CDH4: variants seen among roughly 807,000 people sequenced by gnomAD.
CDH4 encodes cadherin 4.
In CDH4, 33 loss-of-function variants were observed where a neutral mutation model predicts 86.0. The observed-to-expected ratio is 0.38, with a 90% CI of 0.29 to 0.51. The LOEUF is 0.51. Ranked by LOEUF, CDH4 falls within the 20% of genes least tolerant of loss-of-function variation. The pLI is 0.86. For synonymous variants in CDH4, 555 were observed against 549.4 expected, an observed-to-expected ratio of 1.01 and a Z score of -0.14; for missense variants, 1,114 against 1,307.4, an observed-to-expected ratio of 0.85 and a Z score of 2.28.
chr20:61,937,932 G>C lies in CDH4; in HGVS notation c.*989G>C, dbSNP rs981710484. On this transcript the variant is annotated 3_prime_UTR_variant, in exon 16 of 16. Transcript: ENST00000614565. ...CACTCTCGACAGCTCCAACCATCCGGAGGGCTGTGCAGATGGCAGGAACCA... is the reference window on the plus strand; with the variant it reads ...CACTCTCGACAGCTCCAACCATCCGCAGGGCTGTGCAGATGGCAGGAACCA... The C allele has an allele frequency of 3.9e-5, 6 of 152,538 alleles. No homozygotes were observed. Among genetic ancestry groups the C allele is most frequent in the Admixed American group, 6.5e-5 (1 of 15,308 alleles). 9.4% of individuals were successfully genotyped at this position (152,538 alleles called of 1,614,324 possible).
At position 61,676,597 on chromosome 20, in the gene CDH4, C is replaced by T. The variant is rs1185684370; in HGVS notation, c.170-66966C>T. Among the ~76,000 whole-genome samples the T allele has an allele frequency of 6.6e-6, 1 of 152,108 alleles. No individual in the cohort carries two copies. Among genetic ancestry groups the T allele is most frequent in the African/African-American group, 2.4e-5 (1 of 41,400 alleles). On this transcript the variant is annotated intron_variant, in intron 2 of 15. Coordinates refer to ENST00000614565, the MANE Select transcript of CDH4 (RefSeq NM_001794.5). The surrounding 1 kb of genome is among the most constrained non-coding windows in gnomAD (Gnocchi z 4.5). ...GCTGTGACAGTGCCCTGGCTCTGTG[C>T]ACCCAGCCAGGGTTCACTGAGTGTA... is the stretch of plus-strand genomic sequence containing the variant.
chr20:61,901,545 G>A (rs1410587523), intron 8 of CDH4, among the ~76,000 whole-genome samples: 3 of 152,266 alleles, frequency 2.0e-5, no homozygotes, highest in East Asian at 3.8e-4. Context: ...CGTCAGGGCC[G>A]GCGCTCAGCT....
Position 61,392,480 on chromosome 20 carries a change from G to T in CDH4, c.169+137543G>T, listed in dbSNP as rs1009459978. Among the ~76,000 whole-genome samples the T allele has an allele frequency of 1.2e-4, 19 of 152,134 alleles. No homozygotes were observed. The highest frequency in any genetic ancestry group is 1.0e-4 in the Non-Finnish European group (7 of 68,034). The stretch of plus-strand genomic sequence containing the variant: ...ATTAACCTTTTTTAATAACAGAAAT[G>T]ATATAGTCCATTGAAGTAGGGCTGG... On this transcript the variant is annotated intron_variant, in intron 2 of 15. Coordinates refer to ENST00000614565, the MANE Select transcript of CDH4 (RefSeq NM_001794.5). This position sits in a 1 kb window ranked among gnomAD's most constrained non-coding sequence, Gnocchi z 5.7.
intron 2 of CDH4, among the ~76,000 whole-genome samples, chr20:61,654,206 C>T (rs532253650): frequency 2.2e-4 from 34 of 152,322 alleles, no homozygotes; most frequent in African/African-American, 7.9e-4. Flanking sequence ...GCAGATCACT[C>T]GCGGTTAGGA....
intron 2 of CDH4, among the ~76,000 whole-genome samples, chr20:61,364,027 C>T (rs576889380): frequency 6.6e-6 from 1 of 152,298 alleles, no homozygotes; most frequent in Admixed American, 6.5e-5. Context: ...TTCTAAATTG[C>T]TTGTGGCCAG....
At chr20:61,497,954 A>G (rs1024669914) in intron 2 of CDH4, among the ~76,000 whole-genome samples, 5 of 151,418 alleles carry the variant, frequency 3.3e-5, no homozygotes, top group Non-Finnish European at 5.9e-5. Flanking sequence ...AACTATTGCA[A>G]GGACAAAAAA....
rs142588865 is a variant in CDH4 at position 61,602,802 on chromosome 20, C to G, written c.170-140761C>G. Among the ~76,000 whole-genome samples, 889 of 151,670 alleles carry G rather than the reference C, an allele frequency of 5.9e-3. 10 individuals are homozygous for G. Among genetic ancestry groups the G allele is most frequent in the Non-Finnish European group, 9.0e-3 (614 of 67,930 alleles). On this transcript the variant is annotated intron_variant, in intron 2 of 15. Coordinates refer to ENST00000614565, the MANE Select transcript of CDH4 (RefSeq NM_001794.5). ...GAAATGATTTCGGAATTGTGCCTGG[C>G]CTGGTGAGCGCACACAGAGGAGCTG...
intron 2 of CDH4, among the ~76,000 whole-genome samples, chr20:61,257,021 T>G (rs2084102315): frequency 6.6e-6 from 1 of 152,218 alleles, no homozygotes; most frequent in Non-Finnish European, 1.5e-5. Flanking sequence ...AAGACCACAG[T>G]GAGGAGGCCT....
intron 2 of CDH4, among the ~76,000 whole-genome samples, chr20:61,399,325 G>T (rs2085036988): frequency 1.6e-5 from 1 of 64,070 alleles, no homozygotes. Flanking sequence ...GTAGAGACGG[G>T]GTTTCACCTT....
chr20:61,429,862 G>T (rs186698583), intron 2 of CDH4, among the ~76,000 whole-genome samples: 4,329 of 152,288 alleles, frequency 0.028, 94 homozygotes, highest in Non-Finnish European at 0.043. Context: ...TGGGTGGGTA[G>T]GATTTTCAAA....
chr20:61,325,221 GGAAA>G (rs1054887786), intron 2 of CDH4, among the ~76,000 whole-genome samples: 55 of 94,442 alleles, frequency 5.8e-4, no homozygotes, highest in African/African-American at 1.7e-3. Context: ...AGTGGTCACT[GGAAA>G]AAAAAAAAAA....
rs922077575 is a variant in CDH4, at chr20:61,684,432, G to C, written c.170-59131G>C. On this transcript the variant is annotated intron_variant, in intron 2 of 15. Coordinates refer to ENST00000614565, the MANE Select transcript of CDH4 (RefSeq NM_001794.5). This position sits in a 1 kb window ranked among gnomAD's most constrained non-coding sequence, Gnocchi z 4.5. ...CTGATGTTAACCAAGCCAAAATGCA[G>C]GGGCAGGGACATCTCAGGACCTTTT... Among the ~76,000 whole-genome samples, 9 of 152,192 alleles carry C rather than the reference G, an allele frequency of 5.9e-5. No individual in the cohort carries two copies. Among genetic ancestry groups the C allele is most frequent in the African/African-American group, 2.2e-4 (9 of 41,442 alleles).
chr20:61,355,868 A>T (rs1600896240), intron 2 of CDH4, among the ~76,000 whole-genome samples: 2 of 152,182 alleles, frequency 1.3e-5, no homozygotes, highest in South Asian at 2.1e-4. Flanking sequence ...ATGCTTGAAA[A>T]ATTTCCTGCC....
At chr20:61,477,807 C>T (rs1383983680) in intron 2 of CDH4, among the ~76,000 whole-genome samples, 1 of 152,166 alleles carries the variant, frequency 6.6e-6, no homozygotes, top group African/African-American at 2.4e-5. Flanking sequence ...GGAGAATGAC[C>T]TCCTCTTGGA....
chr20:61,252,426 A>C lies in CDH4; in HGVS notation c.-88A>C. On this transcript the variant is annotated 5_prime_UTR_variant, in exon 1 of 16. Coordinates refer to ENST00000614565, the MANE Select transcript of CDH4 (RefSeq NM_001794.5). The surrounding 1 kb of genome is among the most constrained non-coding windows in gnomAD (Gnocchi z 4.4). Reference sequence around the variant, plus strand: ...GAGCGGCGGCGGCGGCGGCGATCGGAGCGGCGGCGGTGGTCTCGGCGGCGG... The same window carrying C: ...GAGCGGCGGCGGCGGCGGCGATCGGCGCGGCGGCGGTGGTCTCGGCGGCGG... 1.9e-6 allele frequency: 1 copy of C among 520,482 alleles called. No individual in the cohort carries two copies. Among genetic ancestry groups the C allele is most frequent in the Non-Finnish European group, 2.4e-6 (1 of 420,270 alleles). The allele number at this position is 520,482 out of a possible 1,614,324, so 32.2% of individuals were successfully genotyped here. A position where few individuals can be genotyped will look rare whatever the true frequency, so the allele number is the denominator to read the frequency against.
intron 2 of CDH4, among the ~76,000 whole-genome samples, chr20:61,716,520 G>A (rs558090003): frequency 3.3e-5 from 5 of 152,336 alleles, no homozygotes; most frequent in African/African-American, 9.6e-5. Flanking sequence ...CTGTCCACAG[G>A]CACCCACTAA....
At chr20:61,498,063 G>C (rs554978428) in intron 2 of CDH4, among the ~76,000 whole-genome samples, 23 of 122,034 alleles carry the variant, frequency 1.9e-4, no homozygotes, top group Non-Finnish European at 3.6e-4. Flanking sequence ...GTCATGGGGT[G>C]GGGGGAGGGG....
rs150239025 is a variant in CDH4, at chr20:61,747,356, G to A, written c.396+3567G>A. On this transcript the variant is annotated intron_variant, in intron 3 of 15. Coordinates refer to ENST00000614565, the MANE Select transcript of CDH4 (RefSeq NM_001794.5). Reference sequence around the variant, plus strand: ...CCAGATCCTCGAGAAGCTGAGGCAGGAGAATGGCATGAACCTGGGAGGCGG... The same window carrying A: ...CCAGATCCTCGAGAAGCTGAGGCAGAAGAATGGCATGAACCTGGGAGGCGG... 3.8e-3 allele frequency among the ~76,000 whole-genome samples: 571 copies of A among 151,190 alleles called. 3 individuals carry two copies. The highest frequency in any genetic ancestry group is 0.01 in the Middle Eastern group (3 of 292).
At chr20:61,270,632 T>G (rs2084178577) in intron 2 of CDH4, among the ~76,000 whole-genome samples, 1 of 152,250 alleles carries the variant, frequency 6.6e-6, no homozygotes, top group Non-Finnish European at 1.5e-5. Flanking sequence ...GAAAGGTTAA[T>G]GGCTGGTAAA....
Sources: gnomAD v4.1 joint callset for allele counts (sites outside exome capture counted in the v4.1 genomes callset) on GRCh38, gnomAD v4.1.1 for gene constraint, Gnocchi (gnomAD v3.1) non-coding constraint, MANE v1.5 for transcripts, NCBI Gene and HGNC (gene_info 2026-07-23, HGNC 2026-07-21) for gene names.